The following TNPO3 variants were observed in gnomAD, a reference collection of about 807,000 sequenced individuals.
TNPO3 encodes the protein transportin-3.
A neutral mutation model predicts 122.8 loss-of-function variants in TNPO3; 65 were observed. The ratio of observed to expected loss-of-function variants is 0.53; its 90% CI spans 0.43 to 0.65. The LOEUF (loss-of-function observed/expected upper bound fraction) is 0.65, where lower values mean the gene tolerates loss of function less well. Ranked by LOEUF, TNPO3 falls within the 30% of genes least tolerant of loss-of-function variation. The pLI, the probability that TNPO3 is intolerant of heterozygous loss-of-function variation, is 0.00. For synonymous variants in TNPO3, 372 were observed against 411.2 expected (o/e 0.90, Z 1.15); for missense variants, 850 against 1,136.7 (o/e 0.75, Z 3.63).
chr7:129,008,067 T>C (rs980600052), intron 4 of TNPO3, among the ~76,000 whole-genome samples: 4 of 151,996 alleles, frequency 2.6e-5, no homozygotes, highest in African/African-American at 9.7e-5. Context: ...GAGAACTGCT[T>C]GAATCTGGGA....
intron 1 of TNPO3, among the ~76,000 whole-genome samples, chr7:129,032,061 CAT>C (rs369724670): frequency 2.1e-4 from 29 of 134,920 alleles, no homozygotes; most frequent in African/African-American, 7.6e-4. Context: ...GGTGGCTCAA[CAT>C]ATGAAAATAA....
chr7:128,995,712 T>A (rs1327075608), intron 8 of TNPO3, among the ~76,000 whole-genome samples: 3 of 142,868 alleles, frequency 2.1e-5, no homozygotes, highest in Admixed American at 2.1e-4. Context: ...TTATTTTATT[T>A]TTTTGAGACT....
chr7:129,055,050 G>A lies in TNPO3; in HGVS notation c.-280C>T, dbSNP rs1258536241. 1 of 416,202 alleles carries A rather than the reference G, an allele frequency of 2.4e-6. No individual in the cohort carries two copies. The highest frequency in any genetic ancestry group is 4.5e-6 in the Non-Finnish European group (1 of 222,498). The allele number at this position is 416,202 out of a possible 1,614,324, so 25.8% of individuals were successfully genotyped here. A position where few individuals can be genotyped will look rare whatever the true frequency, so the allele number is the denominator to read the frequency against. On this transcript the variant is annotated 5_prime_UTR_variant, in exon 1 of 23. Coordinates refer to ENST00000265388, the MANE Select transcript of TNPO3 (RefSeq NM_012470.4). The stretch of plus-strand genomic sequence containing the variant: ...GATTCTGGCGCTCCCGTCTTCAGTC[G>A]CTGACTTGCCCTCAGAAGCCTATCT...
Position 128,989,874 on chromosome 7 carries a change from A to G in TNPO3, c.1498+87T>C, listed in dbSNP as rs1800568150. On this transcript the variant is annotated intron_variant, in intron 11 of 22. Coordinates refer to ENST00000265388, the MANE Select transcript of TNPO3 (RefSeq NM_012470.4). ...AACACTCCGTGTTAAAAAAACAGAA[A>G]GGAAAACACATGCAAAAGTAAGAGA... 15 of 1,489,810 alleles carry G rather than the reference A, an allele frequency of 1.0e-5. No individual in the cohort carries two copies. The South Asian group carries it at 1.6e-4, about 16-fold the overall frequency. The allele number at this position is 1,489,810 out of a possible 1,614,324, so 92.3% of individuals were successfully genotyped here. A position where few individuals can be genotyped will look rare whatever the true frequency, so the allele number is the denominator to read the frequency against.
Position 128,986,708 on chromosome 7 carries a change from TG to T in TNPO3, c.1690+20del. On this transcript the variant is annotated intron_variant, in intron 12 of 22. Transcript: ENST00000265388. ...GTAGTGGCTTTGAGGTGACTATTAG[TG>T]GTTAACATCAAGTGAGTACCTTTTA... 6.3e-7 allele frequency: 1 copy of T among 1,596,230 alleles called. No individual in the cohort carries two copies. The highest frequency in any genetic ancestry group is 1.3e-5 in the African/African-American group (1 of 74,270).
At position 128,954,497 on chromosome 7, in the gene TNPO3, C is replaced by A. The variant is rs1312075701; in HGVS notation, c.*920G>T. 1.3e-5 allele frequency: 2 copies of A among 152,158 alleles called. No individual in the cohort carries two copies. Among genetic ancestry groups the A allele is most frequent in the African/African-American group, 2.4e-5 (1 of 41,422 alleles). 9.4% of individuals were successfully genotyped at this position (152,158 alleles called of 1,614,324 possible). On this transcript the variant is annotated 3_prime_UTR_variant, in exon 23 of 23. Coordinates refer to ENST00000265388, the MANE Select transcript of TNPO3 (RefSeq NM_012470.4). ...GGTGAATAATTCACTAAGAAAAAAACCTTAAAAAACAAAAACTTACACATT... is the reference window on the plus strand; with the variant it reads ...GGTGAATAATTCACTAAGAAAAAAAACTTAAAAAACAAAAACTTACACATT...
At position 129,035,796 on chromosome 7, in the gene TNPO3, A is replaced by C. The variant is rs116803749; in HGVS notation, c.121-17639T>G. Among the ~76,000 whole-genome samples, 817 of 152,300 alleles carry C rather than the reference A, an allele frequency of 5.4e-3. 7 individuals carry two copies. The highest frequency in any genetic ancestry group is 0.019 in the African/African-American group (789 of 41,566). ...TGTGATTGAGTAAAAATGACAAATT[A>C]TCGTCTATGCAGTATTCTTCCAAAA... is the stretch of plus-strand genomic sequence containing the variant. On this transcript the variant is annotated intron_variant, in intron 1 of 22. Transcript: ENST00000265388.
intron 11 of TNPO3, among the ~76,000 whole-genome samples, chr7:128,987,679 C>T (rs1800311918): frequency 6.6e-6 from 1 of 152,162 alleles, no homozygotes; most frequent in African/African-American, 2.4e-5. Flanking sequence ...CTCGCAGGTT[C>T]AAGCAATTAT....
At chr7:129,004,254 A>AC (rs1233510542) in intron 5 of TNPO3, among the ~76,000 whole-genome samples, 2 of 152,198 alleles carry the variant, frequency 1.3e-5, no homozygotes, top group African/African-American at 2.4e-5. Context: ...GCATACATTC[A>AC]CAATACATGC....
intron 21 of TNPO3, among the ~76,000 whole-genome samples, chr7:128,962,823 T>TC (rs398006234): frequency 4.3e-4 from 66 of 151,750 alleles, no homozygotes; most frequent in Middle Eastern, 3.4e-3. Context: ...GTTTTTTTTT[T>TC]CCCCCACAGC....
intron 10 of TNPO3, chr7:128,990,321 A>T (rs558021326): frequency 4.8e-5 from 30 of 626,210 alleles, no homozygotes; most frequent in African/African-American, 4.8e-4. Flanking sequence ...ACTGCTCCTT[A>T]ATCTTCTGAA....
Position 129,001,046 on chromosome 7 carries a change from A to C in TNPO3, c.872+13T>G. The C allele has an allele frequency of 6.2e-7, 1 of 1,612,418 alleles. No homozygotes were observed. The highest frequency in any genetic ancestry group is 8.5e-7 in the Non-Finnish European group (1 of 1,178,508). On this transcript the variant is annotated intron_variant, in intron 6 of 22. Transcript: ENST00000265388. Reference sequence around the variant, plus strand: ...AGGTAAACCCAGGGCTCCAGACTTAAACAATTACTCACTTGTCTAAATCTT... The same window carrying C: ...AGGTAAACCCAGGGCTCCAGACTTACACAATTACTCACTTGTCTAAATCTT...
chr7:129,001,962 C>A (rs988243962), intron 5 of TNPO3, among the ~76,000 whole-genome samples: 1 of 152,142 alleles, frequency 6.6e-6, no homozygotes, highest in Non-Finnish European at 1.5e-5. Context: ...AAGACACATA[C>A]CTAAACACAT....
intron 18 of TNPO3, among the ~76,000 whole-genome samples, chr7:128,974,361 T>C (rs1798841715): frequency 6.7e-6 from 1 of 150,170 alleles, no homozygotes; most frequent in Non-Finnish European, 1.5e-5. Flanking sequence ...GACTAAGGAA[T>C]TCAAGCAGAA....
At chr7:128,981,196 CAACT>C (rs754563291) in intron 14 of TNPO3, among the ~76,000 whole-genome samples, 59 of 152,206 alleles carry the variant, frequency 3.9e-4, no homozygotes, top group Non-Finnish European at 5.9e-4. Context: ...AACATTGCAC[CAACT>C]GAGAGAAAGA....
Position 129,001,220 on chromosome 7 carries a change from G to C in TNPO3, c.711C>G (p.Thr237=). The part of the protein sequence containing the change: ...LLFEVLQQDK[T]SSNLHEAASD... ...AAGCAGCTTCATGTAGGTTAGACGA[G>C]GTCTTATCCTGTTGCTGGGGAGGTA... The change falls in exon 6 of 23, where the codon ACC becomes ACG. Residue 237 remains threonine, a synonymous_variant. Coordinates refer to ENST00000265388, the MANE Select transcript of TNPO3 (RefSeq NM_012470.4). The C allele has an allele frequency of 6.2e-7, 1 of 1,604,686 alleles. No homozygotes were observed. Among genetic ancestry groups the C allele is most frequent in the Non-Finnish European group, 8.5e-7 (1 of 1,172,514 alleles).
intron 12 of TNPO3, 32 bp from the exon 13 acceptor site, chr7:128,984,291 T>TA: frequency 1.3e-6 from 2 of 1,535,328 alleles, no homozygotes; most frequent in Non-Finnish European, 1.8e-6. Context: ...AAATGAAAAA[T>TA]AAACGCTGAA....
rs190490751 is a variant in TNPO3, at chr7:128,978,966, G to A, written c.2061+17C>T. On this transcript the variant is annotated intron_variant, in intron 16 of 22. Transcript: ENST00000265388. ...TTCTGTACATGGAACACGTCCCCCC[G>A]CAACAGATAACTTTACCTGTGTGAC... 7.5e-5 allele frequency: 121 copies of A among 1,613,090 alleles called. No individual in the cohort carries two copies. Among genetic ancestry groups the A allele is most frequent in the Admixed American group, 1.0e-4 (6 of 59,898 alleles).
At chr7:129,003,271 A>T (rs10273889) in intron 5 of TNPO3, among the ~76,000 whole-genome samples, 1,915 of 146,306 alleles carry the variant, frequency 0.013, 35 homozygotes, top group African/African-American at 0.045. Context: ...ATTCTTTTGT[A>T]TATATGAAGT....
Sources: allele counts gnomAD v4.1 joint callset (sites outside exome capture counted in the v4.1 genomes callset), GRCh38; gene constraint gnomAD v4.1.1; transcripts MANE v1.5; gene names NCBI Gene and HGNC (gene_info 2026-07-23, HGNC 2026-07-21).